Variants in DCDC2C observed in about 807,000 individuals in gnomAD.
DCDC2C encodes doublecortin domain containing 2C, also known as doublecortin domain-containing protein 2C.
DCDC2C carries 44 observed loss-of-function variants against 45.0 expected under a neutral mutation model. The ratio of observed to expected loss-of-function variants is 0.98; its 90% CI spans 0.77 to 1.26. DCDC2C has a LOEUF of 1.26. Among genes scored for constraint, DCDC2C ranks in the 50% most tolerant of loss-of-function variants. DCDC2C has a pLI of 0.00. For missense variants in DCDC2C, 447 were observed against 468.9 expected, an observed-to-expected ratio of 0.95 and a Z score of 0.43; for synonymous variants, 187 against 178.8, an observed-to-expected ratio of 1.05 and a Z score of -0.37.
chr2:3,754,005 G>A (rs926879965), intron 5 of DCDC2C, among the ~76,000 whole-genome samples: 24 of 152,264 alleles, frequency 1.6e-4, no homozygotes, highest in African/African-American at 5.1e-4. Flanking sequence ...GAGTTGAGTC[G>A]TTCTTTCTAT....
chr2:3,791,000 C>T lies in DCDC2C; in HGVS notation c.1065+5900C>T, dbSNP rs539275152. Among the ~76,000 whole-genome samples the T allele has an allele frequency of 2.6e-5, 4 of 152,146 alleles. No individual in the cohort carries two copies. In the South Asian group the frequency reaches 6.2e-4, roughly 24 times the overall value. On this transcript the variant is annotated intron_variant, in intron 10 of 10. Transcript: ENST00000399143. ...TGGTGGGCACCTGTAGTCCCAGCTACTCGGGAGGCTGAGGCAGGAGAATGG... is the reference window on the plus strand; with the variant it reads ...TGGTGGGCACCTGTAGTCCCAGCTATTCGGGAGGCTGAGGCAGGAGAATGG...
intron 10 of DCDC2C, among the ~76,000 whole-genome samples, chr2:3,836,077 A>G (rs1404585113): frequency 6.6e-6 from 1 of 152,184 alleles, no homozygotes; most frequent in East Asian, 1.9e-4. Flanking sequence ...GAAAGAAACC[A>G]TCAGAAAACA....
At chr2:3,766,793 A>G (rs1380917407) in intron 6 of DCDC2C, among the ~76,000 whole-genome samples, 3 of 152,254 alleles carry the variant, frequency 2.0e-5, no homozygotes, top group South Asian at 2.1e-4. Context: ...AGAAAACCTA[A>G]AAAAGACATT....
intron 2 of DCDC2C, among the ~76,000 whole-genome samples, chr2:3,713,995 A>G (rs1268541817): frequency 6.6e-6 from 1 of 152,224 alleles, no homozygotes; most frequent in Non-Finnish European, 1.5e-5. Context: ...GCCAAGTCCA[A>G]AAATTCAATG....
intron 2 of DCDC2C, among the ~76,000 whole-genome samples, chr2:3,725,199 G>A (rs936856466): frequency 1.3e-5 from 2 of 152,152 alleles, no homozygotes; most frequent in East Asian, 3.9e-4. Flanking sequence ...TAGTGCCGGC[G>A]GGGGCGATGA....
chr2:3,780,486 C>A (rs927270977), intron 9 of DCDC2C, among the ~76,000 whole-genome samples: 1 of 152,194 alleles, frequency 6.6e-6, no homozygotes, highest in Non-Finnish European at 1.5e-5. Context: ...TAGAGTGAAT[C>A]AAAATGTCTT....
intron 2 of DCDC2C, 80 bp downstream of exon 2, chr2:3,708,680 TGAAGTTTCACA>T (rs1470226876): frequency 8.7e-7 from 1 of 1,147,384 alleles, no homozygotes; most frequent in Non-Finnish European, 1.3e-6. Context: ...ACGGAATAAT[TGAAGTTTCACA>T]GAAGCAGTAA....
chr2:3,756,607 G>A (rs75126663), intron 6 of DCDC2C, among the ~76,000 whole-genome samples: 14,988 of 152,334 alleles, frequency 0.098, 1,053 homozygotes, highest in East Asian at 0.35. Flanking sequence ...CACTAATGCA[G>A]CGTGGTGTTG....
At chr2:3,770,102 A>G (rs112270297) in intron 8 of DCDC2C, among the ~76,000 whole-genome samples, 1 of 152,230 alleles carries the variant, frequency 6.6e-6, no homozygotes, top group Non-Finnish European at 1.5e-5. Flanking sequence ...GTGCTCAGTG[A>G]TCTCCTAAAA....
chr2:3,704,676 TG>T (rs1321579741), intron 1 of DCDC2C, among the ~76,000 whole-genome samples: 3 of 15,856 alleles, frequency 1.9e-4, no homozygotes, highest in Admixed American at 8.1e-4. Flanking sequence ...GAGAGGGGCG[TG>T]GGGGGCGTGG....
intron 6 of DCDC2C, among the ~76,000 whole-genome samples, chr2:3,765,906 G>C (rs1159021692): frequency 6.6e-6 from 1 of 152,188 alleles, no homozygotes; most frequent in African/African-American, 2.4e-5. Context: ...CTTGACAGGA[G>C]GGTGCACCTG....
chr2:3,719,662 G>T (rs1668439564), intron 2 of DCDC2C, among the ~76,000 whole-genome samples: 1 of 152,218 alleles, frequency 6.6e-6, no homozygotes, highest in African/African-American at 2.4e-5. Flanking sequence ...TGGAATGTTG[G>T]TGGACACTCC....
intron 8 of DCDC2C, among the ~76,000 whole-genome samples, chr2:3,778,234 C>A (rs772081073): frequency 6.6e-6 from 1 of 152,338 alleles, no homozygotes; most frequent in Non-Finnish European, 1.5e-5. Flanking sequence ...ACTTGGTTGG[C>A]GTGTTATTGC....
chr2:3,728,470 A>G (rs1246239712), intron 3 of DCDC2C, among the ~76,000 whole-genome samples: 5 of 152,204 alleles, frequency 3.3e-5, no homozygotes, highest in Admixed American at 2.6e-4. Flanking sequence ...GTCCTTCTTG[A>G]CAAAAACGCC....
At position 3,818,979 on chromosome 2, in the gene DCDC2C, G is replaced by A. The variant is rs562184597; in HGVS notation, c.1066-28175G>A. ...TTGTGGAGTTTTAAGAGGTTTAGAA[G>A]CCTGGCTGTCAATAGCCACAACAGC... On this transcript the variant is annotated intron_variant, in intron 10 of 10. Transcript: ENST00000399143. This position sits in a 1 kb window ranked among gnomAD's most constrained non-coding sequence, Gnocchi z 4.7. Among the ~76,000 whole-genome samples the A allele has an allele frequency of 6.6e-6, 1 of 152,304 alleles. No homozygotes were observed. The highest frequency in any genetic ancestry group is 2.1e-4 in the South Asian group (1 of 4,826).
chr2:3,773,958 G>A (rs1479649941), intron 8 of DCDC2C, among the ~76,000 whole-genome samples: 2 of 152,246 alleles, frequency 1.3e-5, no homozygotes, highest in African/African-American at 4.8e-5. Flanking sequence ...TGCAAAAGGA[G>A]AGTATCTTTC....
At chr2:3,814,031 G>A (rs1422777115) in intron 10 of DCDC2C, among the ~76,000 whole-genome samples, 1 of 152,102 alleles carries the variant, frequency 6.6e-6, no homozygotes, top group East Asian at 1.9e-4. Context: ...ACTTCTGTGT[G>A]TTTTTATAGT....
At chr2:3,741,026 G>A (rs999568444) in intron 3 of DCDC2C, among the ~76,000 whole-genome samples, 8 of 152,122 alleles carry the variant, frequency 5.3e-5, no homozygotes. Context: ...TTATTTTAAT[G>A]TGAATTACAA....
Position 3,734,148 on chromosome 2 carries a change from C to T in DCDC2C, c.416+7069C>T, listed in dbSNP as rs1033568941. ...TGGCACACCAACATCACGTACTGCC[C>T]CAAAGGCATGGCGGCTGTCAGCGTG... is the stretch of plus-strand genomic sequence containing the variant. On this transcript the variant is annotated intron_variant, in intron 3 of 10. Transcript: ENST00000399143. This position sits in a 1 kb window ranked among gnomAD's most constrained non-coding sequence, Gnocchi z 4.2. Among the ~76,000 whole-genome samples, 5 of 152,200 alleles carry T rather than the reference C, an allele frequency of 3.3e-5. No homozygotes were observed. Among genetic ancestry groups the T allele is most frequent in the African/African-American group, 9.7e-5 (4 of 41,442 alleles).
Sources: allele counts gnomAD v4.1 joint callset (sites outside exome capture counted in the v4.1 genomes callset), GRCh38; gene constraint gnomAD v4.1.1; non-coding constraint Gnocchi (gnomAD v3.1); transcripts MANE v1.5; gene names NCBI Gene and HGNC (gene_info 2026-07-23, HGNC 2026-07-21).